The following COPA variants were observed in gnomAD, a reference collection of about 807,000 sequenced individuals.
COPA encodes coat protein complex I subunit alpha.
COPA carries 10 observed loss-of-function variants against 158.7 expected under a neutral mutation model. The ratio of observed to expected loss-of-function variants is 0.06; its 90% CI spans 0.04 to 0.11. The LOEUF is 0.11. Among genes scored for constraint, COPA ranks in the 10% least tolerant of loss-of-function variants. The pLI, the probability that COPA is intolerant of heterozygous loss-of-function variation, is 1.00. For missense variants in COPA, 1,065 were observed against 1,536.7 expected (o/e 0.69, Z 5.13); for synonymous variants, 462 against 542.8 (o/e 0.85, Z 2.07).
At chr1:160,324,449 C>G (rs1247863869) in intron 7 of COPA, among the ~76,000 whole-genome samples, 2 of 141,208 alleles carry the variant, frequency 1.4e-5, no homozygotes, top group African/African-American at 5.6e-5. Context: ...CACCACCACG[C>G]CCAGCTAATT....
chr1:160,295,661 A>G, intron 23 of COPA, 75 bp downstream of exon 23: 1 of 1,377,566 alleles, frequency 7.3e-7, no homozygotes, highest in Non-Finnish European at 9.6e-7. Context: ...GTTAAACTAA[A>G]TGCTAATGGT....
At chr1:160,307,498 C>G (rs1233742146) in intron 13 of COPA, among the ~76,000 whole-genome samples, 1 of 152,246 alleles carries the variant, frequency 6.6e-6, no homozygotes, top group Non-Finnish European at 1.5e-5. Flanking sequence ...CAGCCAACAT[C>G]ATGTACTGGC....
chr1:160,293,363 G>GT lies in COPA; in HGVS notation c.2754+22dup, dbSNP rs1310184241. 12 of 1,612,916 alleles carry GT rather than the reference G, an allele frequency of 7.4e-6. No individual in the cohort carries two copies. The African/African-American group carries it at 1.3e-4, about 18-fold the overall frequency. ...CAAGTATTAGCCACTCATCCCTGCC[G>GT]TGCTAGGTTTCTTCCCGCTTACCTG... On this transcript the variant is annotated intron_variant, in intron 26 of 32. Transcript: ENST00000241704.
chr1:160,333,365 G>T, intron 5 of COPA: 1 of 403,388 alleles, frequency 2.5e-6, no homozygotes. Flanking sequence ...AAAAGTTCTT[G>T]TTCTAAAAGG....
intron 31 of COPA, 41 bp from the exon 32 acceptor site, chr1:160,290,727 A>G: frequency 3.2e-6 from 5 of 1,580,730 alleles, no homozygotes; most frequent in Non-Finnish European, 4.3e-6. Flanking sequence ...AGAAGGCTGC[A>G]GACAACACCT....
At chr1:160,304,881 T>C (rs995430835) in intron 17 of COPA, among the ~76,000 whole-genome samples, 4 of 152,184 alleles carry the variant, frequency 2.6e-5, no homozygotes, top group Non-Finnish European at 5.9e-5. Context: ...GGCATAATCA[T>C]ATAATTATAC....
At chr1:160,340,037 A>G in intron 2 of COPA, 55 bp from the exon 3 acceptor site, 2 of 1,584,714 alleles carry the variant, frequency 1.3e-6, no homozygotes, top group South Asian at 1.1e-5. Flanking sequence ...TCTAATCTCT[A>G]AGGTGATTCC....
Position 160,293,435 on chromosome 1 carries a change from G to A in COPA, c.2705C>T (p.Ala902Val). The A allele has an allele frequency of 6.2e-7, 1 of 1,608,742 alleles. No individual in the cohort carries two copies. The highest frequency in any genetic ancestry group is 1.1e-5 in the South Asian group (1 of 89,948). ...TGGGGGCACAAAGAAACCATCTTCA[G>A]CCCCACCAGCTGCCCCAGGGGATAT... Reference protein sequence around the residue: ...LDISPGAAGGAEDGFFVPPTK... With the variant: ...LDISPGAAGGVEDGFFVPPTK... Residue 902 changes from alanine to valine, a missense_variant, in exon 26 of 33, where the codon GCT becomes GTT. By Grantham distance (64) the Ala-to-Val change is moderately conservative. Coordinates refer to ENST00000241704, the MANE Select transcript of COPA (RefSeq NM_004371.4).
Position 160,291,897 on chromosome 1 carries a change from G to A in COPA, c.3180C>T (p.Tyr1060=). 1 of 1,614,150 alleles carries A rather than the reference G, an allele frequency of 6.2e-7. No individual in the cohort carries two copies. Among genetic ancestry groups the A allele is most frequent in the Non-Finnish European group, 8.5e-7 (1 of 1,180,032 alleles). The change falls in exon 30 of 33, where the codon TAC becomes TAT. Residue 1060 remains tyrosine, a synonymous_variant. Coordinates refer to ENST00000241704, the MANE Select transcript of COPA (RefSeq NM_004371.4). ...AQQLITICRE[Y]IVGLSVETER... is the part of the protein sequence containing the mutation. ...CTGTCTCCACGGACAAACCCACAATGTACTCACGGCAAATGGTGATGAGCT... is the reference window on the plus strand; with the variant it reads ...CTGTCTCCACGGACAAACCCACAATATACTCACGGCAAATGGTGATGAGCT...
chr1:160,295,728 G>GTACT lies in COPA; in HGVS notation c.2476+4_2476+7dup. On this transcript the variant is annotated splice_region_variant and intron_variant, in intron 23 of 32. Coordinates refer to ENST00000241704, the MANE Select transcript of COPA (RefSeq NM_004371.4). Reference sequence around the variant, plus strand: ...AACAAAAGTGCTATGGGAGAAATAGGTACTTACCTTTGCTGGCAATGGTGC... The same window carrying GTACT: ...AACAAAAGTGCTATGGGAGAAATAGGTACTTACTTACCTTTGCTGGCAATGGTGC... The GTACT allele has an allele frequency of 6.2e-7, 1 of 1,600,028 alleles. No individual in the cohort carries two copies. The highest frequency in any genetic ancestry group is 1.1e-5 in the South Asian group (1 of 88,220).
At position 160,290,078 on chromosome 1, in the gene COPA, A is replaced by G; in HGVS notation, c.*79T>C. 1 of 1,245,822 alleles carries G rather than the reference A, an allele frequency of 8.0e-7. No homozygotes were observed. The highest frequency in any genetic ancestry group is 1.2e-6 in the Non-Finnish European group (1 of 852,176). The allele number at this position is 1,245,822 out of a possible 1,614,324, so 77.2% of individuals were successfully genotyped here. A position where few individuals can be genotyped will look rare whatever the true frequency, so the allele number is the denominator to read the frequency against. On this transcript the variant is annotated 3_prime_UTR_variant, in exon 33 of 33. Coordinates refer to ENST00000241704, the MANE Select transcript of COPA (RefSeq NM_004371.4). The stretch of plus-strand genomic sequence containing the variant: ...GATCTGAAGAGTAGCTGCAGGGGGA[A>G]GGTGCTGTTAGAAGGAGGATATAGA...
Position 160,290,068 on chromosome 1 carries a change from T to C in COPA, c.*89A>G, listed in dbSNP as rs1376278759. On this transcript the variant is annotated 3_prime_UTR_variant, in exon 33 of 33. Coordinates refer to ENST00000241704, the MANE Select transcript of COPA (RefSeq NM_004371.4). ...CAGAGAGCCAGATCTGAAGAGTAGCTGCAGGGGGAAGGTGCTGTTAGAAGG... is the reference window on the plus strand; with the variant it reads ...CAGAGAGCCAGATCTGAAGAGTAGCCGCAGGGGGAAGGTGCTGTTAGAAGG... The C allele has an allele frequency of 1.8e-5, 21 of 1,171,260 alleles. No homozygotes were observed. The highest frequency in any genetic ancestry group is 2.5e-5 in the Non-Finnish European group (20 of 789,112). The allele number at this position is 1,171,260 out of a possible 1,614,324, so 72.6% of individuals were successfully genotyped here.
At position 160,306,372 on chromosome 1, in the gene COPA, A is replaced by G; in HGVS notation, c.1424T>C (p.Phe475Ser). The stretch of plus-strand genomic sequence containing the variant: ...ATGTTACCGCTTCTGCTGTACGTCA[A>G]AGAGTGTGATAGAGTCCGCATCTCG... ...LLRDADSITL[F>S]DVQQKRTLAS... The change falls in exon 15 of 33, where the codon TTT becomes TCT. Residue 475 changes from phenylalanine (F) to serine (S), a missense_variant. By Grantham distance (155) the Phe-to-Ser change is radical. Around this residue, in one of 2 missense-constraint regions of COPA, gnomAD observed 980 missense variants for 1,357.8 expected, o/e 0.72. Transcript: ENST00000241704. 2.5e-6 allele frequency: 4 copies of G among 1,610,104 alleles called. No individual in the cohort carries two copies. Among genetic ancestry groups the G allele is most frequent in the Non-Finnish European group, 3.4e-6 (4 of 1,177,906 alleles).
chr1:160,293,228 A>C lies in COPA; in HGVS notation c.2761T>G (p.Cys921Gly). 6.2e-7 allele frequency: 1 copy of C among 1,614,168 alleles called. No homozygotes were observed. Among genetic ancestry groups the C allele is most frequent in the South Asian group, 1.1e-5 (1 of 91,080 alleles). The part of the protein sequence containing the change: ...TKGTSPTQIW[C>G]NNSQLPVDHI... ...TCAACTGGAAGCTGAGAGTTATTACACCAGATCTAACAAGAAACAAAAAAA... is the reference window on the plus strand; with the variant it reads ...TCAACTGGAAGCTGAGAGTTATTACCCCAGATCTAACAAGAAACAAAAAAA... Residue 921 changes from cysteine to glycine, a missense_variant, in exon 27 of 33, where the codon TGT becomes GGT. Transcript: ENST00000241704.
intron 8 of COPA, among the ~76,000 whole-genome samples, chr1:160,318,739 GA>G (rs1450639080): frequency 1.3e-5 from 2 of 151,978 alleles, no homozygotes; most frequent in Admixed American, 1.3e-4. Flanking sequence ...TATAATTTCT[GA>G]GTGTGTTTTA....
At chr1:160,327,104 G>C (rs553868883) in intron 6 of COPA, among the ~76,000 whole-genome samples, 3 of 152,248 alleles carry the variant, frequency 2.0e-5, no homozygotes, top group Admixed American at 6.5e-5. Context: ...GTTTGTAGAT[G>C]AGAAAAAAAG....
chr1:160,304,779 C>T (rs1658726860), intron 17 of COPA, among the ~76,000 whole-genome samples: 1 of 152,054 alleles, frequency 6.6e-6, no homozygotes, highest in African/African-American at 2.4e-5. Context: ...CCCCAGAAAA[C>T]AGGTAAAAAA....
chr1:160,342,266 A>G (rs1209414687), intron 1 of COPA, among the ~76,000 whole-genome samples: 1 of 152,200 alleles, frequency 6.6e-6, no homozygotes, highest in Non-Finnish European at 1.5e-5. Flanking sequence ...TCTGACTTCA[A>G]AGACCAAGTT....
chr1:160,333,232 C>A (rs1423337233), intron 5 of COPA, among the ~76,000 whole-genome samples: 1 of 152,194 alleles, frequency 6.6e-6, no homozygotes, highest in Non-Finnish European at 1.5e-5. Context: ...CCAAGGCCAT[C>A]ACTTTAAATG....
Sources: gnomAD v4.1 joint callset for allele counts (sites outside exome capture counted in the v4.1 genomes callset) on GRCh38, gnomAD v4.1.1 for gene constraint, gnomAD v4.1.1 regional missense constraint, MANE v1.5 for transcripts, NCBI Gene and HGNC (gene_info 2026-07-23, HGNC 2026-07-21) for gene names.